The following KAZN variants were observed in gnomAD, a reference collection of about 807,000 sequenced individuals.
KAZN encodes the protein kazrin, periplakin interacting protein.
KAZN carries 40 observed loss-of-function variants against 87.4 expected under a neutral mutation model. The observed-to-expected ratio is 0.46, with a 90% confidence interval of 0.36 to 0.60. The LOEUF (loss-of-function observed/expected upper bound fraction) is 0.60. KAZN is among the 20% of genes least tolerant of loss of function. KAZN has a pLI of 0.00. For synonymous variants in KAZN, 466 were observed against 458.3 expected (o/e 1.02, Z -0.22); for missense variants, 898 against 1,073.9 (o/e 0.84, Z 2.29).
chr1:13,983,167 T>C (rs1488631197), intron 1 of KAZN, among the ~76,000 whole-genome samples: 1 of 152,248 alleles, frequency 6.6e-6, no homozygotes. Flanking sequence ...GCGCCTGCAC[T>C]CCTCAGCCCT....
At chr1:15,061,944 G>A (rs1404225438) in intron 6 of KAZN, 1 of 152,270 alleles carries the variant, frequency 6.6e-6, no homozygotes, top group Admixed American at 6.5e-5. Flanking sequence ...TGGGCCACTG[G>A]AGGGGTCTCT....
chr1:14,681,649 A>G (rs77797431), intron 1 of KAZN, among the ~76,000 whole-genome samples: 1 of 10,400 alleles, frequency 9.6e-5, no homozygotes, highest in African/African-American at 2.7e-4. Flanking sequence ...ATATATATAT[A>G]TATATATATT....
At chr1:14,870,253 G>T (rs1015947710) in intron 1 of KAZN, among the ~76,000 whole-genome samples, 58 of 152,320 alleles carry the variant, frequency 3.8e-4, no homozygotes, top group African/African-American at 1.3e-3. Context: ...ACAGGGTGAA[G>T]GGTGAGTCCC....
rs2100405815 is a variant in KAZN at position 14,201,068 on chromosome 1, G to T, written c.249+20476G>T. Among the ~76,000 whole-genome samples the T allele has an allele frequency of 2.0e-5, 3 of 152,276 alleles. No homozygotes were observed. In the South Asian group the frequency reaches 6.2e-4, roughly 32 times the overall value. ...CCGGCCCAATTTATCTTAGGGAGTG[G>T]TGTGCCTATTGGGTTAGATAATGAA... On this transcript the variant is annotated intron_variant, in intron 2 of 16. Coordinates refer to the KAZN transcript ENST00000636203.
chr1:14,872,988 A>G (rs1652326551), intron 1 of KAZN, among the ~76,000 whole-genome samples: 1 of 145,592 alleles, frequency 6.9e-6, no homozygotes, highest in African/African-American at 2.6e-5. Flanking sequence ...AGAAGAACAT[A>G]TAGAAGGATA....
At chr1:14,119,275 C>T (rs556661638) in intron 1 of KAZN, among the ~76,000 whole-genome samples, 1 of 152,248 alleles carries the variant, frequency 6.6e-6, no homozygotes, top group East Asian at 1.9e-4. Context: ...AGAGCCTTTC[C>T]TTCCCATCCG....
intron 1 of KAZN, among the ~76,000 whole-genome samples, chr1:14,792,768 G>A (rs566404750): frequency 2.0e-5 from 3 of 152,222 alleles, no homozygotes; most frequent in African/African-American, 7.2e-5. Flanking sequence ...ACGAGGTCAG[G>A]AGATCGAGAC....
intron 2 of KAZN, among the ~76,000 whole-genome samples, chr1:14,203,704 T>C (rs1470408743): frequency 6.6e-6 from 1 of 152,210 alleles, no homozygotes; most frequent in Non-Finnish European, 1.5e-5. Flanking sequence ...TACAACTCAA[T>C]GTGCGCTAAA....
intron 1 of KAZN, among the ~76,000 whole-genome samples, chr1:14,956,728 G>A (rs1231601618): frequency 6.6e-6 from 1 of 152,200 alleles, no homozygotes; most frequent in East Asian, 1.9e-4. Flanking sequence ...GCCAAGCAGG[G>A]AAGAGGGGCC....
intron 1 of KAZN, among the ~76,000 whole-genome samples, chr1:14,882,887 T>G (rs1653491516): frequency 6.6e-6 from 1 of 151,990 alleles, no homozygotes; most frequent in African/African-American, 2.4e-5. Context: ...GACACCAAGG[T>G]GTGGAAAGGT....
In KAZN at chr1:14,944,850, T is replaced by G. The variant is rs182951987; in HGVS notation, c.227-15834T>G. On this transcript the variant is annotated intron_variant, in intron 1 of 14. Transcript: ENST00000376030. ...AATATCAGCCCGCAGCAAGGCCTTCTGCGGATGGCGGCACCATCCTGTTCT... is the reference window on the plus strand; with the variant it reads ...AATATCAGCCCGCAGCAAGGCCTTCGGCGGATGGCGGCACCATCCTGTTCT... 1.4e-3 allele frequency among the ~76,000 whole-genome samples: 220 copies of G among 152,356 alleles called. 2 individuals are homozygous for G. Among genetic ancestry groups the G allele is most frequent in the African/African-American group, 3.4e-3 (143 of 41,590 alleles).
chr1:14,226,336 T>C (rs1159223396), intron 2 of KAZN, among the ~76,000 whole-genome samples: 1 of 151,976 alleles, frequency 6.6e-6, no homozygotes, highest in East Asian at 1.9e-4. Flanking sequence ...ATTAGAGAAA[T>C]GCAAATCAAA....
At chr1:14,126,505 C>T (rs1203649413) in intron 1 of KAZN, among the ~76,000 whole-genome samples, 2 of 152,132 alleles carry the variant, frequency 1.3e-5, no homozygotes, top group Non-Finnish European at 2.9e-5. Context: ...ATGTTCTTTC[C>T]TGGTATGTTT....
At chr1:15,086,194 C>T (rs1640247357) in intron 8 of KAZN, among the ~76,000 whole-genome samples, 1 of 152,156 alleles carries the variant, frequency 6.6e-6, no homozygotes, top group Non-Finnish European at 1.5e-5. Context: ...TGGTCTCGAA[C>T]TCCTGAAATC....
intron 1 of KAZN, among the ~76,000 whole-genome samples, chr1:14,049,046 C>G (rs529430096): frequency 6.6e-6 from 1 of 152,106 alleles, no homozygotes; most frequent in Non-Finnish European, 1.5e-5. Flanking sequence ...TTCACAATAG[C>G]AAAGACTTGG....
chr1:14,414,344 GA>G (rs5772578), intron 2 of KAZN, among the ~76,000 whole-genome samples: 49,077 of 107,822 alleles, frequency 0.46, 8,953 homozygotes, highest in South Asian at 0.63. Flanking sequence ...TTTGTCATAG[GA>G]AAAAAAAAAA....
At chr1:14,003,115 A>G (rs1169056716) in intron 1 of KAZN, among the ~76,000 whole-genome samples, 3 of 152,114 alleles carry the variant, frequency 2.0e-5, no homozygotes, top group Admixed American at 6.5e-5. Context: ...AGAAAACCAA[A>G]CACCGCATGT....
In KAZN at chr1:13,988,482, A is replaced by G. The variant is rs114197354; in HGVS notation, c.91+94726A>G. Among the ~76,000 whole-genome samples the G allele has an allele frequency of 1.9e-3, 288 of 152,166 alleles. 2 individuals carry two copies. The highest frequency in any genetic ancestry group is 6.1e-3 in the African/African-American group (255 of 41,514). On this transcript the variant is annotated intron_variant, in intron 1 of 16. Coordinates refer to the KAZN transcript ENST00000636203. ...TTATGATTTCATCCATCTCAAGGCAATTTTTCTAGGACCTCCCTTGTCTGG... is the reference window on the plus strand; with the variant it reads ...TTATGATTTCATCCATCTCAAGGCAGTTTTTCTAGGACCTCCCTTGTCTGG...
chr1:14,052,637 G>A (rs924864688), intron 1 of KAZN, among the ~76,000 whole-genome samples: 3 of 152,188 alleles, frequency 2.0e-5, no homozygotes, highest in Non-Finnish European at 4.4e-5. Flanking sequence ...CTGTCTGAGA[G>A]GTTGGGATGT....
Sources: gnomAD v4.1 joint callset for allele counts (sites outside exome capture counted in the v4.1 genomes callset) on GRCh38, gnomAD v4.1.1 for gene constraint, MANE v1.5 for transcripts, NCBI Gene and HGNC (gene_info 2026-07-23, HGNC 2026-07-21) for gene names.